Variants in DGKB observed in about 807,000 individuals in gnomAD.
DGKB encodes 90 kDa diacylglycerol kinase.
DGKB carries 67 observed loss-of-function variants against 114.3 expected under a neutral mutation model. The ratio of observed to expected loss-of-function variants is 0.59; its 90% confidence interval spans 0.48 to 0.72. DGKB has a LOEUF of 0.72. DGKB is among the 30% of genes least tolerant of loss of function. The pLI, the probability that DGKB is intolerant of heterozygous loss-of-function variation, is 0.00. For synonymous variants in DGKB, 398 were observed against 323.1 expected (o/e 1.23, Z -2.49); for missense variants, 907 against 975.2 (o/e 0.93, Z 0.93).
At chr7:14,315,156 C>A in intron 23 of DGKB, among the ~76,000 whole-genome samples, 1 of 142,442 alleles carries the variant, frequency 7.0e-6, no homozygotes, top group African/African-American at 2.5e-5. Flanking sequence ...AAGGAACAAC[C>A]GGTACCAGCC....
intron 23 of DGKB, among the ~76,000 whole-genome samples, chr7:14,290,635 G>A (rs1440274984): frequency 7.2e-5 from 11 of 152,074 alleles, no homozygotes; most frequent in Admixed American, 7.2e-4. Context: ...AGCTCTTAAA[G>A]CTTCTTCCCA....
At chr7:14,209,344 A>G (rs948725726) in intron 23 of DGKB, 3 of 409,046 alleles carry the variant, frequency 7.3e-6, no homozygotes, top group South Asian at 5.5e-5. Context: ...GATATATACG[A>G]CAAGATTGGG....
chr7:14,593,557 G>T (rs1025594606), intron 17 of DGKB, among the ~76,000 whole-genome samples: 5 of 151,654 alleles, frequency 3.3e-5, no homozygotes, highest in African/African-American at 1.2e-4. Flanking sequence ...AATTTTATTA[G>T]TATAAGTAAA....
At chr7:14,280,000 G>A (rs186966223) in intron 23 of DGKB, among the ~76,000 whole-genome samples, 3 of 152,170 alleles carry the variant, frequency 2.0e-5, no homozygotes, top group African/African-American at 7.2e-5. Flanking sequence ...ACGGAACAAA[G>A]CTGGACGGAG....
intron 20 of DGKB, among the ~76,000 whole-genome samples, chr7:14,535,370 T>C (rs894033506): frequency 2.3e-5 from 2 of 88,644 alleles, no homozygotes; most frequent in Non-Finnish European, 4.3e-5. Flanking sequence ...CCCTGTCTCT[T>C]AAAAAAAGAA....
intron 2 of DGKB, among the ~76,000 whole-genome samples, chr7:14,833,206 T>C (rs1212324755): frequency 6.6e-6 from 1 of 152,124 alleles, no homozygotes; most frequent in Non-Finnish European, 1.5e-5. Flanking sequence ...GCTGCCCTAG[T>C]AAAATAATCT....
intron 20 of DGKB, among the ~76,000 whole-genome samples, chr7:14,518,638 G>T (rs1482933384): frequency 1.3e-5 from 2 of 152,038 alleles, no homozygotes; most frequent in African/African-American, 4.8e-5. Flanking sequence ...GATAAGAGTT[G>T]TTCCCCAGAA....
chr7:14,350,031 A>G (rs973514275), intron 21 of DGKB, among the ~76,000 whole-genome samples: 2 of 152,158 alleles, frequency 1.3e-5, no homozygotes, highest in Admixed American at 6.6e-5. Flanking sequence ...TTAACGTAGT[A>G]AACCCTATGC....
At chr7:14,430,668 GATTT>G (rs1348137704) in intron 21 of DGKB, among the ~76,000 whole-genome samples, 1 of 152,044 alleles carries the variant, frequency 6.6e-6, no homozygotes, top group East Asian at 1.9e-4. Context: ...AATATAAATT[GATTT>G]ATTAGTTGAA....
chr7:14,606,148 G>C (rs769924449), intron 17 of DGKB, among the ~76,000 whole-genome samples: 32 of 152,104 alleles, frequency 2.1e-4, no homozygotes, highest in Non-Finnish European at 8.8e-5. Flanking sequence ...TAAAGGACAA[G>C]AAAAAGAGCC....
intron 1 of DGKB, among the ~76,000 whole-genome samples, chr7:14,950,157 C>A (rs183815066): frequency 6.0e-4 from 91 of 151,726 alleles, no homozygotes; most frequent in Admixed American, 3.0e-3. Context: ...GAAAATCCAA[C>A]ATGCTGGGAT....
chr7:14,690,804 G>T (rs1181310708), intron 9 of DGKB, among the ~76,000 whole-genome samples: 1 of 152,108 alleles, frequency 6.6e-6, no homozygotes, highest in Non-Finnish European at 1.5e-5. Context: ...TAATTACATT[G>T]GATTTTTTTA....
intron 20 of DGKB, among the ~76,000 whole-genome samples, chr7:14,540,722 T>C (rs149655486): frequency 2.0e-4 from 30 of 152,332 alleles, no homozygotes; most frequent in African/African-American, 7.2e-4. Context: ...TTTCATTTTC[T>C]ACAAATTGTG....
At chr7:14,637,647 C>T (rs1487847133) in intron 13 of DGKB, among the ~76,000 whole-genome samples, 2 of 150,782 alleles carry the variant, frequency 1.3e-5, no homozygotes, top group African/African-American at 4.9e-5. Context: ...TATATATATG[C>T]ATGTTGTAAT....
chr7:14,535,999 T>C (rs1015319259), intron 20 of DGKB, among the ~76,000 whole-genome samples: 1 of 151,508 alleles, frequency 6.6e-6, no homozygotes, highest in African/African-American at 2.4e-5. Flanking sequence ...GCCACAGAAA[T>C]AAAAATAACA....
intron 20 of DGKB, among the ~76,000 whole-genome samples, chr7:14,507,687 C>CATT (rs1425671860): frequency 1.3e-5 from 2 of 152,172 alleles, no homozygotes; most frequent in Non-Finnish European, 2.9e-5. Context: ...AGGCTTTCCT[C>CATT]ATTAGTATGC....
rs1346360212 is a variant in DGKB, at chr7:14,871,869, T to G, written c.-187-30419A>C. 2.0e-5 allele frequency among the ~76,000 whole-genome samples: 3 copies of G among 152,294 alleles called. No homozygotes were observed. The East Asian group carries it at 5.8e-4, about 29-fold the overall frequency. On this transcript the variant is annotated intron_variant, in intron 1 of 25. Coordinates refer to ENST00000402815, the MANE Select transcript of DGKB (RefSeq NM_001350709.2). ...TTATAATTAAAATGAATTTTCAATT[T>G]TACCCATTTAGTTTTCATACTTTTA...
intron 17 of DGKB, among the ~76,000 whole-genome samples, chr7:14,584,167 G>T (rs545382620): frequency 1.3e-5 from 2 of 152,180 alleles, no homozygotes; most frequent in South Asian, 4.1e-4. Context: ...TATGTCATGT[G>T]TTGCATTCTG....
intron 23 of DGKB, among the ~76,000 whole-genome samples, chr7:14,296,105 C>T (rs1802508515): frequency 6.6e-6 from 1 of 150,920 alleles, no homozygotes; most frequent in African/African-American, 2.4e-5. Context: ...AATCTCGGCA[C>T]ACTGCAACCT....
Sources: gnomAD v4.1 joint callset for allele counts (sites outside exome capture counted in the v4.1 genomes callset) on GRCh38, gnomAD v4.1.1 for gene constraint, MANE v1.5 for transcripts, NCBI Gene and HGNC (gene_info 2026-07-23, HGNC 2026-07-21) for gene names.